Variants in ADAM32 observed in about 807,000 individuals in gnomAD.
ADAM32 encodes the protein ADAM metallopeptidase domain 32, also known as disintegrin and metalloproteinase domain-containing protein 32.
Under a neutral mutation model 114.9 loss-of-function variants are expected in ADAM32, and 89 were observed. That is an observed-to-expected ratio of 0.77 (90% CI 0.65 to 0.92). The LOEUF is 0.92. Among genes scored for constraint, ADAM32 ranks in the 40% least tolerant of loss-of-function variants. ADAM32 has a pLI of 0.00. For synonymous variants in ADAM32, 285 were observed against 307.5 expected (o/e 0.93, Z 0.77); for missense variants, 870 against 932.8 (o/e 0.93, Z 0.88).
In ADAM32 at chr8:39,191,723, T is replaced by G. The variant is rs566853242; in HGVS notation, c.1052+4678T>G. Among the ~76,000 whole-genome samples, 21 of 152,340 alleles carry G rather than the reference T, an allele frequency of 1.4e-4. No individual in the cohort carries two copies. In the South Asian group the frequency reaches 1.5e-3, roughly 11 times the overall value. ...CTGTTTGTTTACTCTGTTGATAGTTTCTTTTGCTGTGCAGAAGCTCTTTAG... is the reference window on the plus strand; with the variant it reads ...CTGTTTGTTTACTCTGTTGATAGTTGCTTTTGCTGTGCAGAAGCTCTTTAG... On this transcript the variant is annotated intron_variant, in intron 11 of 24. Transcript: ENST00000379907.
intron 19 of ADAM32, 123 bp downstream of exon 19, chr8:39,257,466 T>C: frequency 8.6e-7 from 1 of 1,168,804 alleles, no homozygotes; most frequent in Non-Finnish European, 1.2e-6. Context: ...ATTACATCAA[T>C]ATGTCATTTA....
At chr8:39,183,449 C>G (rs1806039225) in intron 10 of ADAM32, among the ~76,000 whole-genome samples, 1 of 152,180 alleles carries the variant, frequency 6.6e-6, no homozygotes, top group Non-Finnish European at 1.5e-5. Flanking sequence ...CCGCACCAGC[C>G]TGGGGCTATT....
At chr8:39,236,892 C>T (rs79547875) in intron 16 of ADAM32, among the ~76,000 whole-genome samples, 4,152 of 152,278 alleles carry the variant, frequency 0.027, 213 homozygotes, top group African/African-American at 0.094. Flanking sequence ...GGATGGACAG[C>T]GTGTGGAGAC....
At chr8:39,109,922 T>C (rs917494042) in intron 1 of ADAM32, among the ~76,000 whole-genome samples, 1 of 152,164 alleles carries the variant, frequency 6.6e-6, no homozygotes, top group African/African-American at 2.4e-5. Flanking sequence ...TGGCAACAAC[T>C]CATCTCCTTA....
rs915097145 is a variant in ADAM32 at position 39,143,198 on chromosome 8, C to T, written c.201-3932C>T. Reference sequence around the variant, plus strand: ...ATTTGTTATTACCGACCTTCTGAAGCCTACTTCTGTCAACTCGTCAAACTC... The same window carrying T: ...ATTTGTTATTACCGACCTTCTGAAGTCTACTTCTGTCAACTCGTCAAACTC... On this transcript the variant is annotated intron_variant, in intron 3 of 24. Transcript: ENST00000379907. Among the ~76,000 whole-genome samples, 4 of 152,164 alleles carry T rather than the reference C, an allele frequency of 2.6e-5. No individual in the cohort carries two copies. The South Asian group carries it at 8.3e-4, about 32-fold the overall frequency.
chr8:39,205,331 C>T (rs986428012), intron 11 of ADAM32, among the ~76,000 whole-genome samples: 8 of 152,330 alleles, frequency 5.3e-5, no homozygotes, highest in Admixed American at 3.3e-4. Context: ...CAATGGCAGG[C>T]GCCCCTCCCC....
chr8:39,127,070 C>G (rs371312021), intron 2 of ADAM32, among the ~76,000 whole-genome samples: 144 of 152,170 alleles, frequency 9.5e-4, no homozygotes, highest in African/African-American at 3.3e-3. Context: ...ATTCAGTTTG[C>G]CAGTATTTTA....
At chr8:39,245,757 A>T (rs1304096749) in intron 16 of ADAM32, among the ~76,000 whole-genome samples, 4 of 152,200 alleles carry the variant, frequency 2.6e-5, no homozygotes, top group African/African-American at 9.6e-5. Flanking sequence ...CTAAGTAGAC[A>T]ATATAATATC....
At chr8:39,187,525 C>T (rs370687556) in intron 11 of ADAM32, among the ~76,000 whole-genome samples, 1 of 152,348 alleles carries the variant, frequency 6.6e-6, no homozygotes, top group East Asian at 1.9e-4. Flanking sequence ...CCCGCCTCGG[C>T]CTCCCAAAGT....
chr8:39,271,335 G>C (rs1336715953), intron 20 of ADAM32, among the ~76,000 whole-genome samples: 1 of 151,986 alleles, frequency 6.6e-6, no homozygotes, highest in Non-Finnish European at 1.5e-5. Context: ...TGATGTTGTA[G>C]CCATCACAAC....
chr8:39,189,422 T>C (rs529815153), intron 11 of ADAM32, among the ~76,000 whole-genome samples: 2 of 152,286 alleles, frequency 1.3e-5, no homozygotes, highest in East Asian at 3.9e-4. Flanking sequence ...GCTCCTTCCA[T>C]TATATCATTT....
chr8:39,283,509 C>T, intron 23 of ADAM32, 77 bp from the exon 24 acceptor site: 2 of 1,153,172 alleles, frequency 1.7e-6, no homozygotes, highest in Middle Eastern at 2.1e-4. Flanking sequence ...AAGAAATTGC[C>T]ATAACAAATA....
At chr8:39,107,699 G>A (rs1418061585), upstream of ADAM32, 28 of 1,544,282 alleles carry the variant, frequency 1.8e-5, no homozygotes, top group Non-Finnish European at 2.4e-5. Context: ...AGCGGCCCCC[G>A]GCGTCCGCGC....
intron 17 of ADAM32, among the ~76,000 whole-genome samples, chr8:39,249,106 G>T (rs1375634011): frequency 6.6e-6 from 1 of 151,692 alleles, no homozygotes; most frequent in Non-Finnish European, 1.5e-5. Context: ...GGGTTTCATC[G>T]TGTTAGCCAG....
chr8:39,254,568 A>C, intron 18 of ADAM32, 52 bp downstream of exon 18: 2 of 1,373,248 alleles, frequency 1.5e-6, no homozygotes, highest in Non-Finnish European at 2.0e-6. Flanking sequence ...CAAATTGCTT[A>C]TCTTCACTAA....
Position 39,123,060 on chromosome 8 carries a change from T to C in ADAM32, c.138+4895T>C, listed in dbSNP as rs1801873973. On this transcript the variant is annotated intron_variant, in intron 2 of 24. Coordinates refer to ENST00000379907, the MANE Select transcript of ADAM32 (RefSeq NM_145004.7). ...GTGAGGTCAGGATATAAGTTCAGTT[T>C]TTTTTGCCTGTGGATCCAACTTTCC... Among the ~76,000 whole-genome samples, 4 of 152,224 alleles carry C rather than the reference T, an allele frequency of 2.6e-5. 1 individual carries two copies. The South Asian group carries it at 8.3e-4, about 32-fold the overall frequency.
At chr8:39,272,451 C>A (rs757002081) in intron 20 of ADAM32, among the ~76,000 whole-genome samples, 12 of 152,036 alleles carry the variant, frequency 7.9e-5, no homozygotes, top group Non-Finnish European at 1.2e-4. Context: ...GATTGTATAG[C>A]CTATTATGTA....
At chr8:39,173,300 T>C (rs573374606) in intron 10 of ADAM32, among the ~76,000 whole-genome samples, 2 of 152,196 alleles carry the variant, frequency 1.3e-5, no homozygotes, top group East Asian at 1.9e-4. Flanking sequence ...AAAACAAACA[T>C]ATTCCTATTT....
chr8:39,283,476 G>C (rs1265432183), intron 23 of ADAM32, 110 bp from the exon 24 acceptor site: 1 of 548,898 alleles, frequency 1.8e-6, no homozygotes, highest in African/African-American at 2.2e-5. Context: ...TTCTTTTTTA[G>C]TACAACTTTG....
Sources: gnomAD v4.1 joint callset for allele counts (sites outside exome capture counted in the v4.1 genomes callset) on GRCh38, gnomAD v4.1.1 for gene constraint, MANE v1.5 for transcripts, NCBI Gene and HGNC (gene_info 2026-07-23, HGNC 2026-07-21) for gene names.